RMDN1: variants seen among roughly 807,000 people sequenced by gnomAD.
RMDN1 encodes the protein regulator of microtubule dynamics 1, also known as regulator of microtubule dynamics protein 1.
In RMDN1, 48 loss-of-function variants were observed where a neutral mutation model predicts 48.9. The observed-to-expected ratio is 0.98, with a 90% confidence interval of 0.78 to 1.25. The LOEUF is 1.25. RMDN1 is among the 50% of genes most tolerant of loss of function. RMDN1 has a pLI of 0.00. For missense variants in RMDN1, 418 were observed against 373.4 expected (o/e 1.12, Z -0.98); for synonymous variants, 148 against 132.6 (o/e 1.12, Z -0.80).
At position 86,486,445 on chromosome 8, in the gene RMDN1, C is replaced by G. The variant is rs1298599626; in HGVS notation, c.495+39G>C. 8 of 1,337,152 alleles carry G rather than the reference C, an allele frequency of 6.0e-6. No individual in the cohort carries two copies. The African/African-American group carries it at 1.2e-4, about 20-fold the overall frequency. 82.8% of individuals were successfully genotyped at this position (1,337,152 alleles called of 1,614,324 possible). A position where few individuals can be genotyped will look rare whatever the true frequency, so the allele number is the denominator to read the frequency against. On this transcript the variant is annotated intron_variant, in intron 4 of 9. Coordinates refer to ENST00000406452, the MANE Select transcript of RMDN1 (RefSeq NM_016033.3). ...TAATAGAAAAATATAGAAAATGTAC[C>G]TCTCAGTACATGGTTAATAGCTTAG...
chr8:86,492,688 T>A (rs917225119), intron 2 of RMDN1, among the ~76,000 whole-genome samples: 12 of 131,814 alleles, frequency 9.1e-5, no homozygotes, highest in Non-Finnish European at 1.2e-4. Context: ...ATAATAATAA[T>A]AAAGAGATAA....
chr8:86,472,441 C>G lies in RMDN1; in HGVS notation c.*1867G>C, dbSNP rs1402932654. The G allele has an allele frequency of 1.0e-5, 7 of 702,476 alleles. No homozygotes were observed. The Admixed American group carries it at 1.4e-4, about 14-fold the overall frequency. The allele number at this position is 702,476 out of a possible 1,614,324, so 43.5% of individuals were successfully genotyped here. A position where few individuals can be genotyped will look rare whatever the true frequency, so the allele number is the denominator to read the frequency against. On this transcript the variant is annotated 3_prime_UTR_variant, in exon 10 of 10. Transcript: ENST00000406452. ...CAGAATGCCACATCCCTAGAAAGAC[C>G]CACTTCCTGGCCCTTCAGCTGCTTC...
At chr8:86,485,925 C>T (rs1014762745) in intron 4 of RMDN1, among the ~76,000 whole-genome samples, 3 of 152,176 alleles carry the variant, frequency 2.0e-5, no homozygotes, top group Admixed American at 1.3e-4. Flanking sequence ...CCAACTTCAC[C>T]CTGCCTTTGG....
chr8:86,473,300 A>C lies in RMDN1; in HGVS notation c.*1008T>G, dbSNP rs947325860. ...AGATGCTCCTTTTTACAAAACTTAA[A>C]AAGATTTTGCAGTGGTGGCACTCCA... On this transcript the variant is annotated 3_prime_UTR_variant, in exon 10 of 10. Transcript: ENST00000406452. 3.9e-5 allele frequency: 38 copies of C among 985,306 alleles called. No homozygotes were observed. The highest frequency in any genetic ancestry group is 4.5e-5 in the Non-Finnish European group (37 of 829,934). 61.0% of individuals were successfully genotyped at this position (985,306 alleles called of 1,614,324 possible). A position where few individuals can be genotyped will look rare whatever the true frequency, so the allele number is the denominator to read the frequency against.
In RMDN1 at chr8:86,507,089, G is replaced by C; in HGVS notation, c.153C>G (p.Phe51Leu). 21 of 1,609,114 alleles carry C rather than the reference G, an allele frequency of 1.3e-5. No individual in the cohort carries two copies. Among genetic ancestry groups the C allele is most frequent in the Non-Finnish European group, 1.8e-5 (21 of 1,175,540 alleles). Residue 51 changes from phenylalanine to leucine, a missense_variant, in exon 2 of 10, where the codon TTC becomes TTG. Transcript: ENST00000406452. ...AAGCTGAGAGTAAAAGGCCTCTTTT[G>C]AAAGTTCCTGGGTTTCCCATTACCT... is the stretch of plus-strand genomic sequence containing the variant. ...GFEVMGNPGT[F>L]KRGLLLSALS...
At chr8:86,480,612 T>C (rs1409720441) in intron 5 of RMDN1, among the ~76,000 whole-genome samples, 1 of 152,104 alleles carries the variant, frequency 6.6e-6, no homozygotes, top group Non-Finnish European at 1.5e-5. Context: ...TGGATTAATT[T>C]TGCAAATTAA....
chr8:86,507,419 T>C (rs1364546355), intron 1 of RMDN1, among the ~76,000 whole-genome samples: 1 of 152,216 alleles, frequency 6.6e-6, no homozygotes, highest in Non-Finnish European at 1.5e-5. Context: ...AAGTAAAATA[T>C]GAGACACCAA....
At position 86,505,155 on chromosome 8, in the gene RMDN1, T is replaced by C; in HGVS notation, c.247+1840A>G. On this transcript the variant is annotated intron_variant, in intron 2 of 9. Coordinates refer to ENST00000406452, the MANE Select transcript of RMDN1 (RefSeq NM_016033.3). ...TCATCAGGATGAACCCAGGACTGCT[T>C]CTGAATGCTGCTACTTGATTCCTTT... 4 of 1,180,110 alleles carry C rather than the reference T, an allele frequency of 3.4e-6. No homozygotes were observed. The South Asian group carries it at 5.7e-5, about 17-fold the overall frequency. 73.1% of individuals were successfully genotyped at this position (1,180,110 alleles called of 1,614,324 possible).
chr8:86,472,112 T>C (rs779774533), downstream of RMDN1, among the ~76,000 whole-genome samples: 17 of 152,208 alleles, frequency 1.1e-4, no homozygotes, highest in South Asian at 4.1e-4. Context: ...AGAAAATGCA[T>C]GCTGACACAT....
At chr8:86,508,794 T>G, upstream of RMDN1, 1 of 1,227,744 alleles carries the variant, frequency 8.1e-7, no homozygotes, top group South Asian at 2.4e-5. Flanking sequence ...GTGCACGGGC[T>G]TAGGGGGTGG....
At chr8:86,482,899 CCT>C in intron 5 of RMDN1, 1 of 1,013,096 alleles carries the variant, frequency 9.9e-7, no homozygotes, top group South Asian at 1.3e-5. Context: ...AACAGACTGA[CCT>C]CTGATACATC....
chr8:86,495,858 T>C (rs1817258976), intron 2 of RMDN1, among the ~76,000 whole-genome samples: 1 of 152,142 alleles, frequency 6.6e-6, no homozygotes, highest in African/African-American at 2.4e-5. Context: ...AGTCATCAGA[T>C]TCTCCAAGGT....
intron 7 of RMDN1, chr8:86,478,459 A>C: frequency 6.6e-6 from 1 of 152,224 alleles, no homozygotes; most frequent in Non-Finnish European, 1.5e-5. Flanking sequence ...AAGAAAAGCA[A>C]AAGGCCTTGA....
chr8:86,487,983 A>G (rs1815775958), intron 3 of RMDN1, among the ~76,000 whole-genome samples: 1 of 83,814 alleles, frequency 1.2e-5, no homozygotes, highest in African/African-American at 3.5e-5. Flanking sequence ...ATTTAGCCAT[A>G]TGACTTACTT....
At chr8:86,486,137 A>G (rs1432291631) in intron 4 of RMDN1, among the ~76,000 whole-genome samples, 7 of 152,202 alleles carry the variant, frequency 4.6e-5, no homozygotes, top group Admixed American at 4.6e-4. Flanking sequence ...AAAATGAGAA[A>G]ACATCTGTGA....
intron 2 of RMDN1, 51 bp downstream of exon 2, chr8:86,506,944 G>A: frequency 1.1e-6 from 1 of 884,628 alleles, no homozygotes; most frequent in Non-Finnish European, 1.9e-6. Context: ...AATTCTGAAT[G>A]TACGCACACA....
intron 5 of RMDN1, chr8:86,482,988 G>T (rs560828601): frequency 4.4e-6 from 3 of 689,510 alleles, no homozygotes; most frequent in Admixed American, 2.3e-5. Context: ...GCTGCCCCTC[G>T]ATGAGCAGTG....
At chr8:86,494,348 G>A (rs768174910) in intron 2 of RMDN1, among the ~76,000 whole-genome samples, 30 of 151,936 alleles carry the variant, frequency 2.0e-4, no homozygotes, top group Non-Finnish European at 2.6e-4. Context: ...TTGAGGCAAG[G>A]AATTCAAGAC....
In RMDN1 at chr8:86,486,495, C is replaced by G; in HGVS notation, c.484G>C (p.Ala162Pro). ...GTTAAGCAACTCACCTTATGAGATG[C>G]AAAACTTGATTCATTTTTTTCTAGT... is the stretch of plus-strand genomic sequence containing the variant. ...RALEKNESSF[A>P]SHKWYAICLS... Residue 162 changes from alanine (A) to proline (P), a missense_variant, in exon 4 of 10, where the codon GCA becomes CCA. By Grantham distance (27) the Ala-to-Pro change is conservative. Coordinates refer to ENST00000406452, the MANE Select transcript of RMDN1 (RefSeq NM_016033.3). 1 of 1,596,854 alleles carries G rather than the reference C, an allele frequency of 6.3e-7. No homozygotes were observed. Among genetic ancestry groups the G allele is most frequent in the Non-Finnish European group, 8.6e-7 (1 of 1,169,582 alleles).
Sources: gnomAD v4.1 joint callset for allele counts (sites outside exome capture counted in the v4.1 genomes callset) on GRCh38, gnomAD v4.1.1 for gene constraint, MANE v1.5 for transcripts, NCBI Gene and HGNC (gene_info 2026-07-23, HGNC 2026-07-21) for gene names.